DMRT1: variants seen among roughly 807,000 people sequenced by gnomAD.
The protein encoded by DMRT1 is doublesex and mab-3 related transcription factor 1, also known as doublesex- and mab-3-related transcription factor 1.
Under a neutral mutation model 32.3 loss-of-function variants are expected in DMRT1, and 7 were observed. The ratio of observed to expected loss-of-function variants is 0.22; its 90% CI spans 0.12 to 0.41. The LOEUF (loss-of-function observed/expected upper bound fraction) is 0.41, where lower values mean the gene tolerates loss of function less well. Ranked by LOEUF, DMRT1 falls within the 10% of genes least tolerant of loss-of-function variation. DMRT1 has a pLI of 1.00. For synonymous variants in DMRT1, 278 were observed against 206.1 expected, an observed-to-expected ratio of 1.35 and a Z score of -2.99; for missense variants, 625 against 500.5, an observed-to-expected ratio of 1.25 and a Z score of -2.37.
chr9:924,792 ATG>A (rs1183718382), intron 4 of DMRT1, among the ~76,000 whole-genome samples: 2 of 152,210 alleles, frequency 1.3e-5, no homozygotes, highest in East Asian at 3.8e-4. Context: ...TTTTCAGGGA[ATG>A]TGAAGAACAC....
intron 4 of DMRT1, among the ~76,000 whole-genome samples, chr9:926,085 C>G (rs1586626477): frequency 6.6e-6 from 1 of 152,256 alleles, no homozygotes; most frequent in African/African-American, 2.4e-5. Context: ...AGAAATGCCC[C>G]CATCTGGGGT....
At chr9:863,407 A>C (rs1489687931) in intron 2 of DMRT1, among the ~76,000 whole-genome samples, 3 of 151,394 alleles carry the variant, frequency 2.0e-5, no homozygotes, top group Non-Finnish European at 2.9e-5. Flanking sequence ...GACACAGGAG[A>C]GTTTCCAGGC....
intron 4 of DMRT1, among the ~76,000 whole-genome samples, chr9:967,420 T>A (rs2130023162): frequency 6.6e-6 from 1 of 152,362 alleles, no homozygotes; most frequent in South Asian, 2.1e-4. Flanking sequence ...TCTCTCCCAT[T>A]TACTGTCTTT....
At chr9:868,785 A>G (rs554644201) in intron 2 of DMRT1, among the ~76,000 whole-genome samples, 196 of 152,344 alleles carry the variant, frequency 1.3e-3, no homozygotes, top group African/African-American at 4.6e-3. Context: ...CAAGGCAGGT[A>G]GATGGCTTGA....
intron 3 of DMRT1, among the ~76,000 whole-genome samples, chr9:900,333 C>T (rs918851507): frequency 2.0e-5 from 3 of 152,000 alleles, no homozygotes; most frequent in African/African-American, 4.8e-5. Flanking sequence ...GCTTGTCCGC[C>T]GTAAGGAGCA....
chr9:892,633 T>C (rs749878179), intron 2 of DMRT1, among the ~76,000 whole-genome samples: 1 of 152,096 alleles, frequency 6.6e-6, no homozygotes, highest in Non-Finnish European at 1.5e-5. Flanking sequence ...CTGCCTCTGA[T>C]CTCTCTCTCC....
At chr9:952,891 G>C (rs1819474033) in intron 4 of DMRT1, among the ~76,000 whole-genome samples, 1 of 152,212 alleles carries the variant, frequency 6.6e-6, no homozygotes, top group Admixed American at 6.5e-5. Flanking sequence ...TGGTTAGGCA[G>C]AGTCAGTGAA....
chr9:950,772 C>T (rs2129953616), intron 4 of DMRT1, among the ~76,000 whole-genome samples: 1 of 152,276 alleles, frequency 6.6e-6, no homozygotes, highest in South Asian at 2.1e-4. Context: ...AAGCATCTCA[C>T]TCCTGCAGTT....
At chr9:852,931 G>T (rs1425697815) in intron 2 of DMRT1, among the ~76,000 whole-genome samples, 1 of 152,194 alleles carries the variant, frequency 6.6e-6, no homozygotes, top group Non-Finnish European at 1.5e-5. Context: ...CGCCAGTTGG[G>T]AAACACATTG....
At chr9:882,728 T>G (rs1564221322) in intron 2 of DMRT1, among the ~76,000 whole-genome samples, 1 of 151,578 alleles carries the variant, frequency 6.6e-6, no homozygotes, top group Non-Finnish European at 1.5e-5. Context: ...TTGATCTGGT[T>G]GTGCTCAGTG....
At chr9:846,372 T>C (rs1422400460) in intron 1 of DMRT1, among the ~76,000 whole-genome samples, 2 of 152,074 alleles carry the variant, frequency 1.3e-5, no homozygotes, top group Non-Finnish European at 2.9e-5. Context: ...TAGGATACAA[T>C]CTACTCTTAC....
intron 3 of DMRT1, among the ~76,000 whole-genome samples, chr9:896,759 GC>G (rs1156606720): frequency 6.6e-6 from 1 of 151,790 alleles, no homozygotes; most frequent in African/African-American, 2.4e-5. Flanking sequence ...GTTGCAGTGA[GC>G]AGAGATCGCG....
intron 2 of DMRT1, among the ~76,000 whole-genome samples, chr9:879,043 C>T (rs1398526885): frequency 6.6e-6 from 1 of 152,128 alleles, no homozygotes; most frequent in Non-Finnish European, 1.5e-5. Flanking sequence ...AGGATAAAGC[C>T]AGAGCTGCCT....
chr9:864,477 G>C (rs1219920226), intron 2 of DMRT1, among the ~76,000 whole-genome samples: 1 of 143,740 alleles, frequency 7.0e-6, no homozygotes, highest in Non-Finnish European at 1.5e-5. Context: ...ACAGGCGTGA[G>C]CCACCATGCC....
intron 4 of DMRT1, among the ~76,000 whole-genome samples, chr9:960,844 G>A (rs1256822363): frequency 6.6e-6 from 1 of 152,230 alleles, no homozygotes; most frequent in Non-Finnish European, 1.5e-5. Flanking sequence ...ATGAAGTAGG[G>A]TGGGGTGGGG....
chr9:844,425 T>C (rs943302138), intron 1 of DMRT1, among the ~76,000 whole-genome samples: 3 of 140,614 alleles, frequency 2.1e-5, no homozygotes, highest in African/African-American at 9.8e-5. Flanking sequence ...GCATATGGAG[T>C]AGATACCTGT....
chr9:879,085 A>G (rs184647007), intron 2 of DMRT1, among the ~76,000 whole-genome samples: 1 of 152,298 alleles, frequency 6.6e-6, no homozygotes. Flanking sequence ...TACTAATAAC[A>G]CAACCCTGAG....
At chr9:877,341 G>C (rs1816546316) in intron 2 of DMRT1, among the ~76,000 whole-genome samples, 2 of 152,178 alleles carry the variant, frequency 1.3e-5, no homozygotes, top group Admixed American at 1.3e-4. Flanking sequence ...CACCCCCCTG[G>C]AGGGTGCAGT....
intron 2 of DMRT1, among the ~76,000 whole-genome samples, chr9:891,964 C>G (rs1333957095): frequency 6.6e-6 from 1 of 152,228 alleles, no homozygotes; most frequent in Admixed American, 6.5e-5. Flanking sequence ...TGCCCGGAGG[C>G]TGGGTGCCTT....
Sources: allele counts gnomAD v4.1 joint callset (sites outside exome capture counted in the v4.1 genomes callset), GRCh38; gene constraint gnomAD v4.1.1; transcripts MANE v1.5; gene names NCBI Gene and HGNC (gene_info 2026-07-23, HGNC 2026-07-21).